SYT1: variants seen among roughly 807,000 people sequenced by gnomAD.
SYT1 encodes the protein synaptotagmin-1.
SYT1 carries 8 observed loss-of-function variants against 44.8 expected under a neutral mutation model. That is an observed-to-expected ratio of 0.18 (90% confidence interval 0.10 to 0.32). The LOEUF is 0.32. Among genes scored for constraint, SYT1 ranks in the 10% least tolerant of loss-of-function variants. The pLI is 1.00. For missense variants in SYT1, 286 were observed against 509.3 expected, an observed-to-expected ratio of 0.56 and a Z score of 4.22; for synonymous variants, 154 against 188.8, an observed-to-expected ratio of 0.82 and a Z score of 1.51.
At chr12:79,286,645 C>A (rs943546808) in intron 5 of SYT1, among the ~76,000 whole-genome samples, 1 of 152,118 alleles carries the variant, frequency 6.6e-6, no homozygotes, top group Admixed American at 6.6e-5. Flanking sequence ...GCTGGGTTAT[C>A]TTTCCAAGCC....
At chr12:79,435,098 G>A (rs1233746503) in intron 9 of SYT1, among the ~76,000 whole-genome samples, 1 of 152,128 alleles carries the variant, frequency 6.6e-6, no homozygotes, top group African/African-American at 2.4e-5. Context: ...AATTCTGGAT[G>A]TAGACTGTCT....
chr12:79,381,849 C>T (rs1008106644), intron 9 of SYT1, among the ~76,000 whole-genome samples: 1 of 152,056 alleles, frequency 6.6e-6, no homozygotes, highest in African/African-American at 2.4e-5. Flanking sequence ...TTTTTTTGTG[C>T]TTCTACTGAC....
In SYT1 at chr12:78,900,187, A is replaced by G. The variant is rs187521157; in HGVS notation, c.-217+35078A>G. Among the ~76,000 whole-genome samples the G allele has an allele frequency of 1.1e-4, 16 of 152,228 alleles. No individual in the cohort carries two copies. In the South Asian group the frequency reaches 2.7e-3, roughly 26 times the overall value. ...AGTAGATGTTTTGGATGGAAAAAAT[A>G]CTGAGGTGATGTTTATTTACTTATT... On this transcript the variant is annotated intron_variant, in intron 1 of 10. Transcript: ENST00000261205.
intron 3 of SYT1, among the ~76,000 whole-genome samples, chr12:79,201,674 T>A (rs1260970755): frequency 6.6e-6 from 1 of 152,212 alleles, no homozygotes; most frequent in Non-Finnish European, 1.5e-5. Flanking sequence ...ATAACTAGAC[T>A]GATGAAATAA....
intron 3 of SYT1, among the ~76,000 whole-genome samples, chr12:79,145,690 T>C (rs1432886789): frequency 6.6e-6 from 1 of 152,130 alleles, no homozygotes; most frequent in Non-Finnish European, 1.5e-5. Flanking sequence ...AGCTAATTTT[T>C]CAAACCCAAA....
chr12:79,367,133 A>G (rs190724971), intron 9 of SYT1, among the ~76,000 whole-genome samples: 1 of 152,228 alleles, frequency 6.6e-6, no homozygotes, highest in East Asian at 1.9e-4. Context: ...TAAGCTATTT[A>G]TTTGAGTTAA....
rs781592507 is a variant in SYT1 at position 79,217,489 on chromosome 12, C to T, written c.-17-14C>T. 1.3e-6 allele frequency: 2 copies of T among 1,548,206 alleles called. No individual in the cohort carries two copies. The highest frequency in any genetic ancestry group is 2.0e-5 in the Admixed American group (1 of 49,874). On this transcript the variant is annotated splice_polypyrimidine_tract_variant and intron_variant, in intron 3 of 10. Coordinates refer to ENST00000261205, the MANE Select transcript of SYT1 (RefSeq NM_005639.3). Reference sequence around the variant, plus strand: ...ATTTTGAATTGTTCTGTCTTTGCTTCCCTCCCCTCACAGCTTCACCTGAAC... The same window carrying T: ...ATTTTGAATTGTTCTGTCTTTGCTTTCCTCCCCTCACAGCTTCACCTGAAC...
chr12:78,934,585 T>G (rs1355245034), intron 1 of SYT1, among the ~76,000 whole-genome samples: 1 of 151,982 alleles, frequency 6.6e-6, no homozygotes, highest in Non-Finnish European at 1.5e-5. Context: ...AAAACACTTG[T>G]CTTACATCAT....
chr12:79,076,086 G>T (rs751628869), intron 3 of SYT1, among the ~76,000 whole-genome samples: 1 of 152,022 alleles, frequency 6.6e-6, no homozygotes, highest in African/African-American at 2.4e-5. Flanking sequence ...GCAAAGGAAC[G>T]GGGAAACCTA....
intron 3 of SYT1, among the ~76,000 whole-genome samples, chr12:79,138,090 C>T (rs1869316562): frequency 6.6e-6 from 1 of 152,144 alleles, no homozygotes; most frequent in African/African-American, 2.4e-5. Flanking sequence ...ATTGATTTCC[C>T]TGATCTTGCC....
At chr12:79,303,507 G>A (rs10746103) in intron 8 of SYT1, among the ~76,000 whole-genome samples, 4 of 151,504 alleles carry the variant, frequency 2.6e-5, no homozygotes, top group East Asian at 1.9e-4. Flanking sequence ...CTATCACCTC[G>A]GCTTTGTGTA....
At chr12:78,895,708 C>G (rs976397462) in intron 1 of SYT1, among the ~76,000 whole-genome samples, 1 of 151,664 alleles carries the variant, frequency 6.6e-6, no homozygotes, top group Non-Finnish European at 1.5e-5. Flanking sequence ...TAATTCTATA[C>G]TATTAAGGAC....
chr12:78,865,626 A>AG (rs1392310441), intron 1 of SYT1, among the ~76,000 whole-genome samples: 1 of 151,862 alleles, frequency 6.6e-6, no homozygotes, highest in East Asian at 1.9e-4. Context: ...GAGCACATAA[A>AG]GCAATTAAAC....
chr12:79,156,642 T>C (rs1162800927), intron 3 of SYT1, among the ~76,000 whole-genome samples: 1 of 152,078 alleles, frequency 6.6e-6, no homozygotes, highest in Non-Finnish European at 1.5e-5. Flanking sequence ...TAATTTTTTG[T>C]ATTTTTAGTA....
intron 1 of SYT1, among the ~76,000 whole-genome samples, chr12:78,907,481 T>G (rs1028946260): frequency 5.3e-5 from 8 of 152,024 alleles, no homozygotes; most frequent in Non-Finnish European, 1.0e-4. Context: ...GGATATCACT[T>G]GTCTAGTTAA....
At chr12:79,076,669 G>A (rs1049387412) in intron 3 of SYT1, among the ~76,000 whole-genome samples, 2 of 152,080 alleles carry the variant, frequency 1.3e-5, no homozygotes, top group Non-Finnish European at 2.9e-5. Flanking sequence ...GGCAGGGTGC[G>A]GTGGCTCACA....
rs1879176056 is a variant in SYT1 at position 78,955,740 on chromosome 12, T to C, written c.-216-22059T>C. Among the ~76,000 whole-genome samples, 4 of 152,008 alleles carry C rather than the reference T, an allele frequency of 2.6e-5. No individual in the cohort carries two copies. In the South Asian group the frequency reaches 8.3e-4, roughly 32 times the overall value. ...TTATAAGGACCAGAAAGAAACTTTT[T>C]TTTTTGCCCTTAACCTAACAGTTTT... On this transcript the variant is annotated intron_variant, in intron 1 of 10. Coordinates refer to ENST00000261205, the MANE Select transcript of SYT1 (RefSeq NM_005639.3).
chr12:79,115,861 G>A (rs1437273013), intron 3 of SYT1, among the ~76,000 whole-genome samples: 1 of 152,152 alleles, frequency 6.6e-6, no homozygotes, highest in Non-Finnish European at 1.5e-5. Context: ...GGGTTGCTTT[G>A]AATATTTCTA....
At chr12:79,040,841 T>TG (rs542585264) in intron 2 of SYT1, among the ~76,000 whole-genome samples, 24,595 of 150,950 alleles carry the variant, frequency 0.16, 1,900 homozygotes, top group South Asian at 0.23. Context: ...TTTCTACATA[T>TG]GGCTAGCCAG....
Sources: gnomAD v4.1 joint callset for allele counts (sites outside exome capture counted in the v4.1 genomes callset) on GRCh38, gnomAD v4.1.1 for gene constraint, MANE v1.5 for transcripts, NCBI Gene and HGNC (gene_info 2026-07-23, HGNC 2026-07-21) for gene names.